The following PTCD3 variants were observed in gnomAD, a reference collection of about 807,000 sequenced individuals.
PTCD3 encodes pentatricopeptide repeat domain 3.
A neutral mutation model predicts 101.9 loss-of-function variants in PTCD3; 89 were observed. That is an observed-to-expected ratio of 0.87 (90% CI 0.74 to 1.04). The LOEUF is 1.04. PTCD3 is among the 50% of genes least tolerant of loss of function. The probability of loss-of-function intolerance (pLI) is 0.00; values close to 1 mark genes in which losing one functional copy is unlikely to be tolerated. For missense variants in PTCD3, 870 were observed against 828.2 expected (o/e 1.05, Z -0.62); for synonymous variants, 296 against 278.5 (o/e 1.06, Z -0.63).
intron 14 of PTCD3, among the ~76,000 whole-genome samples, chr2:86,130,281 T>A (rs1451135942): frequency 6.6e-6 from 1 of 151,824 alleles, no homozygotes; most frequent in Non-Finnish European, 1.5e-5. Context: ...GCCAGGGCAA[T>A]AATGCAAGAC....
chr2:86,117,435 A>C (rs866174071), intron 6 of PTCD3, among the ~76,000 whole-genome samples: 1 of 150,194 alleles, frequency 6.7e-6, no homozygotes, highest in Admixed American at 6.6e-5. Context: ...CTACCTCTCT[A>C]TACACATCTT....
intron 4 of PTCD3, among the ~76,000 whole-genome samples, chr2:86,115,971 C>T (rs1217872472): frequency 6.6e-6 from 1 of 152,064 alleles, no homozygotes; most frequent in African/African-American, 2.4e-5. Context: ...TGATTCTTAC[C>T]TAGAGTTTAA....
At chr2:86,109,180 C>T (rs796613049) in intron 3 of PTCD3, among the ~76,000 whole-genome samples, 5 of 152,050 alleles carry the variant, frequency 3.3e-5, no homozygotes, top group South Asian at 4.1e-4. Context: ...CCGAGGCGGG[C>T]GGATGATGAG....
chr2:86,127,437 G>T (rs1674416405), intron 13 of PTCD3, 132 bp downstream of exon 13: 3 of 1,102,670 alleles, frequency 2.7e-6, no homozygotes, highest in Non-Finnish European at 1.3e-6. Context: ...TCCATGTTTG[G>T]CACATTTACT....
At chr2:86,120,051 T>C (rs564209690) in intron 7 of PTCD3, among the ~76,000 whole-genome samples, 1 of 152,352 alleles carries the variant, frequency 6.6e-6, no homozygotes, top group South Asian at 2.1e-4. Flanking sequence ...AAGAAACATT[T>C]GCAGAAAGCT....
chr2:86,106,571 C>A (rs942753269), intron 1 of PTCD3, among the ~76,000 whole-genome samples: 1 of 152,216 alleles, frequency 6.6e-6, no homozygotes. Flanking sequence ...TTGCAATATT[C>A]TGTAGTTAAC....
At chr2:86,133,093 T>G in intron 17 of PTCD3, 85 bp from the exon 18 acceptor site, 1 of 1,511,352 alleles carries the variant, frequency 6.6e-7, no homozygotes, top group East Asian at 2.3e-5. Flanking sequence ...TTGTAACATA[T>G]AATATGCTAT....
chr2:86,118,812 G>A (rs1674225804), intron 6 of PTCD3, 109 bp from the exon 7 acceptor site: 1 of 1,202,744 alleles, frequency 8.3e-7, no homozygotes, highest in Non-Finnish European at 1.2e-6. Context: ...ATGAATTGGA[G>A]CAGTGAAGTT....
rs549260957 is a variant in PTCD3 at position 86,128,260 on chromosome 2, T to C, written c.1147+269T>C. ...ACAGATGCCCACCAGCATGCCTAGC[T>C]GATTTTTTTTTTTTTTTTTTGGACA... On this transcript the variant is annotated intron_variant, in intron 14 of 23. Coordinates refer to ENST00000254630, the MANE Select transcript of PTCD3 (RefSeq NM_017952.6). Among the ~76,000 whole-genome samples, 579 of 138,168 alleles carry C rather than the reference T, an allele frequency of 4.2e-3. 2 individuals carry two copies. Among genetic ancestry groups the C allele is most frequent in the Non-Finnish European group, 6.7e-3 (423 of 62,966 alleles). 90.6% of individuals were successfully genotyped at this position (138,168 alleles called of 152,430 possible). A position where few individuals can be genotyped will look rare whatever the true frequency, so the allele number is the denominator to read the frequency against.
At chr2:86,122,128 T>G (rs1674295137) in intron 8 of PTCD3, among the ~76,000 whole-genome samples, 1 of 152,202 alleles carries the variant, frequency 6.6e-6, no homozygotes, top group Non-Finnish European at 1.5e-5. Flanking sequence ...GAGGTATTTA[T>G]ACTTGCAAAA....
chr2:86,137,444 A>G (rs2104464447), intron 23 of PTCD3, 25 bp from the exon 24 acceptor site: 1 of 1,613,356 alleles, frequency 6.2e-7, no homozygotes, highest in Non-Finnish European at 8.5e-7. Context: ...TTGCAGTGTA[A>G]TCCTCCATTT....
intron 18 of PTCD3, 27 bp downstream of exon 18, chr2:86,133,283 A>G (rs893210128): frequency 6.2e-7 from 1 of 1,613,812 alleles, no homozygotes; most frequent in African/African-American, 1.3e-5. Context: ...CTTGTTATTT[A>G]TCATTCTAGA....
At chr2:86,131,972 C>G (rs1450871317) in intron 16 of PTCD3, among the ~76,000 whole-genome samples, 1 of 152,188 alleles carries the variant, frequency 6.6e-6, no homozygotes, top group Non-Finnish European at 1.5e-5. Flanking sequence ...ACCAGTATTT[C>G]ATAGTAAGAA....
At chr2:86,106,515 A>G (rs1215357515) in intron 1 of PTCD3, among the ~76,000 whole-genome samples, 164 bp downstream of exon 1, 2 of 152,238 alleles carry the variant, frequency 1.3e-5, no homozygotes, top group Non-Finnish European at 2.9e-5. Context: ...CCTTTGAAAT[A>G]GGATTCGCAA....
At position 86,128,014 on chromosome 2, in the gene PTCD3, T is replaced by C. The variant is rs149406921; in HGVS notation, c.1147+23T>C. On this transcript the variant is annotated intron_variant, in intron 14 of 23. Transcript: ENST00000254630. ...CTGGTATGTATGGCCTTAAATTGTG[T>C]TAATTTATATAGAAAATTGACCAGC... 1,559 of 1,548,894 alleles carry C rather than the reference T, an allele frequency of 1.0e-3. 11 individuals carry two copies. The African/African-American group carries it at 0.017, about 17-fold the overall frequency.
At chr2:86,115,732 A>T (rs978167762) in intron 4 of PTCD3, among the ~76,000 whole-genome samples, 2 of 152,208 alleles carry the variant, frequency 1.3e-5, no homozygotes, top group Non-Finnish European at 2.9e-5. Context: ...GGCATTTCTC[A>T]GTGGGGCCCC....
At chr2:86,111,863 G>C (rs1249161659) in intron 4 of PTCD3, 1 of 152,422 alleles carries the variant, frequency 6.6e-6, no homozygotes, top group African/African-American at 2.4e-5. Context: ...TTCTGCCTCA[G>C]CCTCCTGAGT....
chr2:86,125,205 TTAG>T, intron 10 of PTCD3, 123 bp downstream of exon 10: 7 of 1,443,424 alleles, frequency 4.8e-6, no homozygotes, highest in Non-Finnish European at 6.4e-6. Flanking sequence ...TTGTAGGATG[TTAG>T]TAGCTCCCTG....
rs891787914 is a variant in PTCD3, at chr2:86,106,283, C to G, written c.36C>G (p.Leu12=). The G allele has an allele frequency of 1.2e-6, 2 of 1,613,744 alleles. No individual in the cohort carries two copies. Among genetic ancestry groups the G allele is most frequent in the African/African-American group, 1.3e-5 (1 of 75,056 alleles). ...AVVSAVRWLG[L]RSRLGQPLTG... ...TATCTGCTGTTCGCTGGCTGGGCCTCCGCAGCAGGCTTGGCCAGCCGCTGA... is the reference window on the plus strand; with the variant it reads ...TATCTGCTGTTCGCTGGCTGGGCCTGCGCAGCAGGCTTGGCCAGCCGCTGA... The change falls in exon 1 of 24, where the codon CTC becomes CTG. Residue 12 remains leucine, a synonymous_variant. Coordinates refer to ENST00000254630, the MANE Select transcript of PTCD3 (RefSeq NM_017952.6).
Sources: allele counts gnomAD v4.1 joint callset (sites outside exome capture counted in the v4.1 genomes callset), GRCh38; gene constraint gnomAD v4.1.1; transcripts MANE v1.5; gene names NCBI Gene and HGNC (gene_info 2026-07-23, HGNC 2026-07-21).